Variants in PCDHGB3 observed in about 807,000 individuals in gnomAD.
The protein encoded by PCDHGB3 is protocadherin gamma-B3.
A neutral mutation model predicts 59.2 loss-of-function variants in PCDHGB3; 40 were observed. The observed-to-expected ratio is 0.68, with a 90% confidence interval of 0.52 to 0.88. The LOEUF is 0.88. Among genes scored for constraint, PCDHGB3 ranks in the 40% least tolerant of loss-of-function variants. The pLI is 0.00. For synonymous variants in PCDHGB3, 581 were observed against 503.6 expected (o/e 1.15, Z -2.06); for missense variants, 1,309 against 1,187.9 (o/e 1.10, Z -1.50).
chr5:141,458,593 C>T (rs1352799952), intron 1 of PCDHGB3, among the ~76,000 whole-genome samples: 4 of 151,402 alleles, frequency 2.6e-5, no homozygotes, highest in Non-Finnish European at 5.9e-5. Flanking sequence ...GTTTTGGAGA[C>T]GAGTCTCACT....
intron 1 of PCDHGB3, chr5:141,394,856 G>T (rs1008039711): frequency 1.2e-6 from 2 of 1,613,674 alleles, no homozygotes; most frequent in African/African-American, 2.7e-5. Context: ...TGAAGCCTTC[G>T]GTCGACCCGA....
At chr5:141,388,971 CAT>C (rs1456846164) in intron 1 of PCDHGB3, 3 of 1,613,890 alleles carry the variant, frequency 1.9e-6, no homozygotes, top group Non-Finnish European at 2.5e-6. Context: ...GCTGGGAACA[CAT>C]ATTGCTTTGC....
rs35224477 is a variant in PCDHGB3, at chr5:141,464,263, TA to T, written c.2416-30530del. On this transcript the variant is annotated intron_variant, in intron 1 of 3. Coordinates refer to ENST00000576222, the MANE Select transcript of PCDHGB3 (RefSeq NM_018924.5). ...CTGGGCTACAGAGCGAGACTCCGTC[TA>T]AAAAAAAAAAAAAGCAAAAAAAAAA... Among the ~76,000 whole-genome samples, 390 of 103,506 alleles carry T rather than the reference TA, an allele frequency of 3.8e-3. 1 individual carries two copies. Among genetic ancestry groups the T allele is most frequent in the Admixed American group, 4.7e-3 (45 of 9,486 alleles). 67.9% of individuals were successfully genotyped at this position (103,506 alleles called of 152,430 possible). A position where few individuals can be genotyped will look rare whatever the true frequency, so the allele number is the denominator to read the frequency against.
At chr5:141,409,576 G>C (rs1238671221) in intron 1 of PCDHGB3, 52 of 1,613,806 alleles carry the variant, frequency 3.2e-5, no homozygotes, top group Non-Finnish European at 4.2e-5. Flanking sequence ...CGTCCTACGT[G>C]GTCCACGTGG....
At chr5:141,423,160 G>A (rs1272708122) in intron 1 of PCDHGB3, 16 of 1,613,046 alleles carry the variant, frequency 9.9e-6, no homozygotes, top group Non-Finnish European at 1.2e-5. Flanking sequence ...GAGCCTCGTG[G>A]TGGCCGTCCA....
chr5:141,509,873 G>C (rs2099878704), intron 3 of PCDHGB3, among the ~76,000 whole-genome samples: 1 of 152,196 alleles, frequency 6.6e-6, no homozygotes, highest in South Asian at 2.1e-4. Flanking sequence ...CAAGCTGCTG[G>C]TGGTGATGGT....
chr5:141,418,389 A>G (rs768078575), intron 1 of PCDHGB3: 1 of 1,613,996 alleles, frequency 6.2e-7, no homozygotes, highest in South Asian at 1.1e-5. Context: ...CCTAACGAGT[A>G]TTTCTCATTG....
chr5:141,423,516 C>T (rs2096749721), intron 1 of PCDHGB3: 1 of 1,613,732 alleles, frequency 6.2e-7, no homozygotes, highest in Non-Finnish European at 8.5e-7. Flanking sequence ...TCATTGCGGA[C>T]TCGCAGAAGA....
chr5:141,511,391 C>G lies in PCDHGB3; in HGVS notation c.*218C>G. ...TGCAAAAGCAGTTCCGCTGGGAACC[C>G]CCATCCAATCAACTGCTGTACCCAT... is the stretch of plus-strand genomic sequence containing the variant. On this transcript the variant is annotated 3_prime_UTR_variant, in exon 4 of 4. Coordinates refer to ENST00000576222, the MANE Select transcript of PCDHGB3 (RefSeq NM_018924.5). 2.8e-6 allele frequency: 3 copies of G among 1,079,748 alleles called. No homozygotes were observed. The highest frequency in any genetic ancestry group is 3.3e-5 in the South Asian group (2 of 60,136). The allele number at this position is 1,079,748 out of a possible 1,614,324, so 66.9% of individuals were successfully genotyped here. A position where few individuals can be genotyped will look rare whatever the true frequency, so the allele number is the denominator to read the frequency against.
rs866878519 is a variant in PCDHGB3, at chr5:141,486,035, C to A, written c.2416-8772C>A. ...TTATTTCAGTGGTCATACCCCTGAT[C>A]GTGTAAGAAACCTCTTTAGCCTGCA... is the stretch of plus-strand genomic sequence containing the variant. On this transcript the variant is annotated intron_variant, in intron 1 of 3. Coordinates refer to ENST00000576222, the MANE Select transcript of PCDHGB3 (RefSeq NM_018924.5). This position sits in a 1 kb window ranked among gnomAD's most constrained non-coding sequence, Gnocchi z 5.0. The A allele has an allele frequency of 1.9e-6, 3 of 1,614,100 alleles. No homozygotes were observed. The East Asian group carries it at 6.7e-5, about 36-fold the overall frequency.
chr5:141,384,739 C>A (rs1484877981), intron 1 of PCDHGB3: 1 of 1,613,938 alleles, frequency 6.2e-7, no homozygotes, highest in African/African-American at 1.3e-5. Context: ...GGCCAGCGAG[C>A]CAGGACTCTT....
chr5:141,449,944 T>C (rs1375717746), intron 1 of PCDHGB3, among the ~76,000 whole-genome samples: 1 of 151,744 alleles, frequency 6.6e-6, no homozygotes, highest in Non-Finnish European at 1.5e-5. Flanking sequence ...TATATTTTAC[T>C]ATACCTCATA....
Position 141,372,290 on chromosome 5 carries a change from G to A in PCDHGB3, c.1896G>A (p.Leu632=), listed in dbSNP as rs1437600694. ...RTGEVRTART[L]GDREAARQRL... ...GTGAGGTGCGCACGGCGCGTACCTT[G>A]GGCGACAGGGAGGCCGCCCGCCAGC... The change falls in exon 1 of 4, where the codon TTG becomes TTA. Residue 632 remains leucine (L), a synonymous_variant. Coordinates refer to ENST00000576222, the MANE Select transcript of PCDHGB3 (RefSeq NM_018924.5). The A allele has an allele frequency of 1.9e-6, 3 of 1,613,282 alleles. No homozygotes were observed. Among genetic ancestry groups the A allele is most frequent in the Non-Finnish European group, 2.5e-6 (3 of 1,179,892 alleles).
Position 141,393,014 on chromosome 5 carries a change from C to T in PCDHGB3, c.2415+20205C>T, listed in dbSNP as rs761990025. The T allele has an allele frequency of 1.9e-6, 3 of 1,613,736 alleles. No homozygotes were observed. The African/African-American group carries it at 4.0e-5, about 22-fold the overall frequency. On this transcript the variant is annotated intron_variant, in intron 1 of 3. Transcript: ENST00000576222. ...TGGCGAAGCACGGAGTCCGTATCGT[C>T]TCCAGAGGTAGGACGCAGCTCTTTG... is the stretch of plus-strand genomic sequence containing the variant.
chr5:141,400,020 G>A (rs1589396224), intron 1 of PCDHGB3: 1 of 1,612,942 alleles, frequency 6.2e-7, no homozygotes, highest in South Asian at 1.1e-5. Context: ...TGGGCGACAG[G>A]GACGCGGCCC....
At chr5:141,451,807 G>A (rs896081470) in intron 1 of PCDHGB3, among the ~76,000 whole-genome samples, 5 of 150,778 alleles carry the variant, frequency 3.3e-5, no homozygotes, top group African/African-American at 1.2e-4. Flanking sequence ...CTTGAACCCA[G>A]GAGGCGGAGG....
At chr5:141,466,655 AT>A (rs754296083) in intron 1 of PCDHGB3, among the ~76,000 whole-genome samples, 3 of 152,206 alleles carry the variant, frequency 2.0e-5, no homozygotes, top group Non-Finnish European at 4.4e-5. Context: ...TTCACAAAAC[AT>A]CAGTGATTTC....
chr5:141,371,583 G>T lies in PCDHGB3; in HGVS notation c.1189G>T (p.Asp397Tyr), dbSNP rs1767867513. 3 of 1,613,828 alleles carry T rather than the reference G, an allele frequency of 1.9e-6. No homozygotes were observed. The highest frequency in any genetic ancestry group is 2.5e-6 in the Non-Finnish European group (3 of 1,179,848). Reference protein sequence around the residue: ...KGNFPFKIVQDTKNTYRLVTD... With the variant: ...KGNFPFKIVQYTKNTYRLVTD... ...AAACTTCCCCTTTAAAATCGTTCAA[G>T]ATACCAAAAACACATACAGGTTGGT... is the stretch of plus-strand genomic sequence containing the variant. The change falls in exon 1 of 4, where the codon GAT (aspartate) becomes TAT (tyrosine). Residue 397 changes from aspartate to tyrosine, a missense_variant. Transcript: ENST00000576222.
At chr5:141,433,326 A>G in intron 1 of PCDHGB3, 1 of 726,596 alleles carries the variant, frequency 1.4e-6, no homozygotes. Context: ...CCGGTGTAAC[A>G]GGGACTACAG....
Sources: gnomAD v4.1 joint callset for allele counts (sites outside exome capture counted in the v4.1 genomes callset) on GRCh38, gnomAD v4.1.1 for gene constraint, Gnocchi (gnomAD v3.1) non-coding constraint, MANE v1.5 for transcripts, NCBI Gene and HGNC (gene_info 2026-07-23, HGNC 2026-07-21) for gene names.